Variants in FHIT observed in about 807,000 individuals in gnomAD.
The protein encoded by FHIT is bis(5'-adenosyl)-triphosphatase.
Under a neutral mutation model 17.9 loss-of-function variants are expected in FHIT, and 19 were observed. The ratio of observed to expected loss-of-function variants is 1.06; its 90% confidence interval spans 0.74 to 1.56. The LOEUF is 1.56. FHIT is among the 40% of genes most tolerant of loss of function. The pLI, the probability that FHIT is intolerant of heterozygous loss-of-function variation, is 0.00. For synonymous variants in FHIT, 81 were observed against 69.7 expected (o/e 1.16, Z -0.81); for missense variants, 248 against 189.2 (o/e 1.31, Z -1.82).
chr3:60,454,969 C>T (rs994846286), intron 5 of FHIT, among the ~76,000 whole-genome samples: 1 of 152,058 alleles, frequency 6.6e-6, no homozygotes, highest in Admixed American at 6.6e-5. Flanking sequence ...TACTATCAAA[C>T]AGCAGAGCTC....
chr3:60,574,456 G>C (rs1405874412), intron 4 of FHIT, among the ~76,000 whole-genome samples: 1 of 151,554 alleles, frequency 6.6e-6, no homozygotes, highest in Non-Finnish European at 1.5e-5. Context: ...AAATCAGTGT[G>C]GTACCTGGTG....
At chr3:60,646,031 T>C (rs2039848523) in intron 4 of FHIT, among the ~76,000 whole-genome samples, 1 of 152,340 alleles carries the variant, frequency 6.6e-6, no homozygotes, top group Admixed American at 6.5e-5. Context: ...ACATTCCTGA[T>C]AGTGCCCTAG....
chr3:60,670,339 A>G (rs1189354225), intron 4 of FHIT, among the ~76,000 whole-genome samples: 4 of 152,176 alleles, frequency 2.6e-5, no homozygotes, highest in African/African-American at 4.8e-5. Context: ...GCAGGAATGG[A>G]GTGAATGAGG....
At chr3:60,358,737 A>G (rs1699777927) in intron 5 of FHIT, among the ~76,000 whole-genome samples, 1 of 152,200 alleles carries the variant, frequency 6.6e-6, no homozygotes, top group Non-Finnish European at 1.5e-5. Context: ...ATGGCACATC[A>G]ATCAAAAGTC....
chr3:60,931,283 G>A (rs1346532872), intron 3 of FHIT, among the ~76,000 whole-genome samples: 3 of 152,062 alleles, frequency 2.0e-5, no homozygotes, highest in Admixed American at 6.5e-5. Context: ...GTTAATGGGT[G>A]CAGCACACCA....
At chr3:60,364,697 G>T (rs1350556922) in intron 5 of FHIT, among the ~76,000 whole-genome samples, 3 of 152,204 alleles carry the variant, frequency 2.0e-5, no homozygotes, top group African/African-American at 4.8e-5. Context: ...ATTTCTGTGT[G>T]TATCAGTGAG....
chr3:60,555,043 A>C (rs1430388428), intron 4 of FHIT, among the ~76,000 whole-genome samples: 1 of 152,234 alleles, frequency 6.6e-6, no homozygotes, highest in Non-Finnish European at 1.5e-5. Context: ...TTTTTACGTA[A>C]CAGTGTACTA....
At chr3:59,984,689 T>G (rs1404944323) in intron 7 of FHIT, among the ~76,000 whole-genome samples, 1 of 152,110 alleles carries the variant, frequency 6.6e-6, no homozygotes, top group African/African-American at 2.4e-5. Context: ...CACACACTTA[T>G]GAAAATGTGC....
chr3:60,725,271 G>T (rs1164220514), intron 4 of FHIT, among the ~76,000 whole-genome samples: 1 of 152,064 alleles, frequency 6.6e-6, no homozygotes, highest in South Asian at 2.1e-4. Context: ...GTCCTTTAAA[G>T]CATAAAAGTT....
At chr3:60,645,318 C>T (rs2039829608) in intron 4 of FHIT, among the ~76,000 whole-genome samples, 1 of 152,114 alleles carries the variant, frequency 6.6e-6, no homozygotes, top group Admixed American at 6.5e-5. Context: ...TTGGCCAGCC[C>T]CTCTTCTCCT....
rs1273022913 is a variant in FHIT at position 61,042,063 on chromosome 3, TC to T, written c.-128del. 6.6e-6 allele frequency: 1 copy of T among 152,190 alleles called. No homozygotes were observed. The highest frequency in any genetic ancestry group is 1.5e-5 in the Non-Finnish European group (1 of 68,044). 9.4% of individuals were successfully genotyped at this position (152,190 alleles called of 1,614,324 possible). ...TGGTTTTACCTTCTTTCTCTTTCTC[TC>T]CCTTCCACCGTCTGGATGTAGATAG... On this transcript the variant is annotated 5_prime_UTR_variant, in exon 3 of 10. Coordinates refer to ENST00000492590, the MANE Select transcript of FHIT (RefSeq NM_002012.4).
intron 5 of FHIT, among the ~76,000 whole-genome samples, chr3:60,428,885 T>C (rs1458304083): frequency 6.6e-6 from 1 of 152,124 alleles, no homozygotes; most frequent in African/African-American, 2.4e-5. Context: ...ATACCCAATA[T>C]GAATGGGATT....
At chr3:60,592,266 C>A (rs546087061) in intron 4 of FHIT, among the ~76,000 whole-genome samples, 15 of 142,252 alleles carry the variant, frequency 1.1e-4, no homozygotes, top group Non-Finnish European at 1.9e-4. Flanking sequence ...TATACTCTCT[C>A]TCTATATATA....
intron 5 of FHIT, among the ~76,000 whole-genome samples, chr3:60,175,450 C>A (rs1325467791): frequency 2.6e-5 from 4 of 152,028 alleles, no homozygotes; most frequent in Non-Finnish European, 5.9e-5. Context: ...CTAACTCTTC[C>A]TAGTTATAAT....
chr3:60,465,252 C>G (rs979184224), intron 5 of FHIT, among the ~76,000 whole-genome samples: 17 of 151,900 alleles, frequency 1.1e-4, no homozygotes, highest in South Asian at 4.2e-4. Context: ...GTTTGAGCTC[C>G]TTATATATTT....
chr3:60,686,170 T>C (rs1172120979), intron 4 of FHIT, among the ~76,000 whole-genome samples: 1 of 152,180 alleles, frequency 6.6e-6, no homozygotes, highest in African/African-American at 2.4e-5. Flanking sequence ...TCATAGTTTT[T>C]GAAGGTAGGT....
intron 2 of FHIT, among the ~76,000 whole-genome samples, chr3:61,171,461 T>C (rs1301686732): frequency 6.6e-6 from 1 of 152,184 alleles, no homozygotes; most frequent in African/African-American, 2.4e-5. Context: ...ATCTCTATAA[T>C]CTTAATTTAT....
At chr3:60,020,592 C>T (rs558491872) in intron 5 of FHIT, among the ~76,000 whole-genome samples, 47 of 152,248 alleles carry the variant, frequency 3.1e-4, no homozygotes, top group African/African-American at 1.0e-3. Context: ...GTATTCATCT[C>T]GACTGCAGAT....
rs1459593628 is a variant in FHIT, at chr3:59,851,393, T to G, written c.348+70953A>C. ...ATGCTAAGTATTTCATATCCATTAT[T>G]GTACTTGATCCTTACAACTCCCATG... On this transcript the variant is annotated intron_variant, in intron 8 of 9. Coordinates refer to ENST00000492590, the MANE Select transcript of FHIT (RefSeq NM_002012.4). Among the ~76,000 whole-genome samples the G allele has an allele frequency of 2.0e-5, 3 of 152,250 alleles. 1 individual carries two copies. Among genetic ancestry groups the G allele is most frequent in the Admixed American group, 1.3e-4 (2 of 15,282 alleles).
Sources: allele counts gnomAD v4.1 joint callset (sites outside exome capture counted in the v4.1 genomes callset), GRCh38; gene constraint gnomAD v4.1.1; transcripts MANE v1.5; gene names NCBI Gene and HGNC (gene_info 2026-07-23, HGNC 2026-07-21).